The following MID2 variants were observed in gnomAD, a reference collection of about 807,000 sequenced individuals.
MID2 encodes probable E3 ubiquitin-protein ligase MID2.
Under a neutral mutation model 46.1 loss-of-function variants are expected in MID2, and 13 were observed. That is an observed-to-expected ratio of 0.28 (90% CI 0.18 to 0.45). MID2 has a LOEUF of 0.45. Ranked by LOEUF, MID2 falls within the 20% of genes least tolerant of loss-of-function variation. The pLI is 1.00. For synonymous variants in MID2, 199 were observed against 212.3 expected (o/e 0.94, Z 0.55); for missense variants, 431 against 575.4 (o/e 0.75, Z 2.57).
At chrX:107,902,018 C>G (rs188409693) in intron 3 of MID2, among the ~76,000 whole-genome samples, 1 of 111,925 alleles carries the variant, frequency 8.9e-6, no homozygotes, top group Non-Finnish European at 1.9e-5. Context: ...AACTGGAGAG[C>G]AGCATATGTG....
At chrX:107,902,826 C>T (rs1037057645) in intron 3 of MID2, among the ~76,000 whole-genome samples, 1 of 111,336 alleles carries the variant, frequency 9.0e-6, no homozygotes, top group Non-Finnish European at 1.9e-5. Flanking sequence ...TTGTCTGTTC[C>T]TCAGCCTTCT....
chrX:107,861,070 A>G (rs1264695290), intron 3 of MID2, among the ~76,000 whole-genome samples: 1 of 111,397 alleles, frequency 9.0e-6, no homozygotes, highest in Non-Finnish European at 1.9e-5. Flanking sequence ...GTAGTGAGCA[A>G]GGGGTATGGG....
At chrX:107,873,934 A>G (rs1448962224) in intron 3 of MID2, among the ~76,000 whole-genome samples, 1 of 112,172 alleles carries the variant, frequency 8.9e-6, no homozygotes, top group Non-Finnish European at 1.9e-5. Flanking sequence ...TGCAAATGTT[A>G]ACTGTTTTTC....
rs755121523 is a variant in MID2 at position 107,885,369 on chromosome X, G to A, written c.817-18589G>A. On this transcript the variant is annotated intron_variant, in intron 3 of 9. Coordinates refer to ENST00000262843, the MANE Select transcript of MID2 (RefSeq NM_012216.4). ...TCCCACCTATGAGTGAGAACATGCG[G>A]TGTTTGGTTTTTTGTCTTTGCGATA... Among the ~76,000 whole-genome samples, 233 of 105,103 alleles carry A rather than the reference G, an allele frequency of 2.2e-3. 1 individual carries two copies. Among genetic ancestry groups the A allele is most frequent in the African/African-American group, 7.9e-3 (226 of 28,582 alleles). The allele number at this position is 105,103 out of a possible 115,157, so 91.3% of individuals were successfully genotyped here.
intron 1 of MID2, among the ~76,000 whole-genome samples, chrX:107,839,967 G>T (rs186853917): frequency 1.8e-5 from 2 of 111,907 alleles, no homozygotes; most frequent in African/African-American, 6.5e-5. Flanking sequence ...GAACTGAAGG[G>T]GTTTCTGAAG....
chrX:107,889,339 T>G (rs1372307165), intron 3 of MID2, among the ~76,000 whole-genome samples: 1 of 111,835 alleles, frequency 8.9e-6, no homozygotes, highest in East Asian at 2.8e-4. Context: ...CTCTCAGCAT[T>G]TGCTCATCTG....
intron 3 of MID2, among the ~76,000 whole-genome samples, chrX:107,899,751 C>G (rs1462304165): frequency 9.0e-6 from 1 of 110,831 alleles, no homozygotes; most frequent in Admixed American, 9.6e-5. Flanking sequence ...ATTTTTTTTC[C>G]ACAGACATAA....
At chrX:107,888,276 C>G (rs1225669116) in intron 3 of MID2, among the ~76,000 whole-genome samples, 1 of 111,931 alleles carries the variant, frequency 8.9e-6, no homozygotes, top group Non-Finnish European at 1.9e-5. Flanking sequence ...CTATAAATTT[C>G]CCTCTACACA....
intron 5 of MID2, among the ~76,000 whole-genome samples, chrX:107,907,474 C>G (rs1242919535): frequency 8.9e-6 from 1 of 112,068 alleles, no homozygotes. Context: ...TTAACTTCTG[C>G]CTTCCTTCTG....
chrX:107,851,681 A>AC (rs1423562716), intron 2 of MID2, among the ~76,000 whole-genome samples: 1 of 110,144 alleles, frequency 9.1e-6, no homozygotes, highest in African/African-American at 3.3e-5. Flanking sequence ...AACAACAACA[A>AC]AAACAAACAA....
At chrX:107,895,611 A>G (rs968438683) in intron 3 of MID2, 44 of 112,425 alleles carry the variant, frequency 3.9e-4, no homozygotes, top group African/African-American at 1.4e-3. Flanking sequence ...GTTTTTTGCT[A>G]ATAGAAACAA....
intron 5 of MID2, among the ~76,000 whole-genome samples, chrX:107,909,354 C>T (rs956270739): frequency 9.0e-6 from 1 of 111,572 alleles, no homozygotes; most frequent in African/African-American, 3.3e-5. Context: ...ATGTGAGTAC[C>T]AGGGATTGTT....
intron 3 of MID2, among the ~76,000 whole-genome samples, chrX:107,899,335 C>T (rs776069592): frequency 9.1e-6 from 1 of 110,411 alleles, no homozygotes; most frequent in South Asian, 3.9e-4. Context: ...ATGGCTTTGG[C>T]GAACTCCCAC....
intron 7 of MID2, among the ~76,000 whole-genome samples, chrX:107,918,669 A>G (rs1260751546): frequency 9.0e-6 from 1 of 111,428 alleles, no homozygotes; most frequent in Non-Finnish European, 1.9e-5. Flanking sequence ...TGCAGCTCCA[A>G]CCTAAACCAC....
At chrX:107,888,571 G>A (rs1932519448) in intron 3 of MID2, among the ~76,000 whole-genome samples, 1 of 112,182 alleles carries the variant, frequency 8.9e-6, no homozygotes, top group Non-Finnish European at 1.9e-5. Flanking sequence ...GTGGTGTGGT[G>A]CTGAAAAGAA....
chrX:107,882,538 C>A (rs1452692916), intron 3 of MID2, among the ~76,000 whole-genome samples: 1 of 111,661 alleles, frequency 9.0e-6, no homozygotes, highest in Non-Finnish European at 1.9e-5. Context: ...AAAAAGTGGG[C>A]AAAGGATATG....
At chrX:107,837,735 G>T (rs1174626371) in intron 1 of MID2, among the ~76,000 whole-genome samples, 1 of 111,312 alleles carries the variant, frequency 9.0e-6, no homozygotes. Context: ...TATGTTTTTG[G>T]TTGATTTATT....
Position 107,905,505 on chromosome X carries a change from C to A in MID2, c.952C>A (p.Gln318Lys). 2 of 1,206,738 alleles carry A rather than the reference C, an allele frequency of 1.7e-6. No individual in the cohort carries two copies. Among genetic ancestry groups the A allele is most frequent in the Non-Finnish European group, 2.2e-6 (2 of 892,540 alleles). The change falls in exon 5 of 10, where the codon CAG (glutamine) becomes AAG (lysine). Residue 318 changes from glutamine (Q) to lysine (K), a missense_variant. Gln to Lys is a moderately conservative substitution (Grantham distance 53). Transcript: ENST00000262843. Reference sequence around the variant, plus strand: ...TATGAAACTGAGAAAGTTGGCACAGCAGGTTGCTAATTGCCGCCAGTGTCT... The same window carrying A: ...TATGAAACTGAGAAAGTTGGCACAGAAGGTTGCTAATTGCCGCCAGTGTCT... Reference protein sequence around the residue: ...KVMKLRKLAQQVANCRQCLER... With the variant: ...KVMKLRKLAQKVANCRQCLER...
At chrX:107,874,379 T>C (rs1447703416) in intron 3 of MID2, among the ~76,000 whole-genome samples, 1 of 110,878 alleles carries the variant, frequency 9.0e-6, no homozygotes, top group African/African-American at 3.3e-5. Context: ...AGTTAAGTTA[T>C]TCCCCATGGT....
Sources: gnomAD v4.1 joint callset for allele counts (sites outside exome capture counted in the v4.1 genomes callset) on GRCh38, gnomAD v4.1.1 for gene constraint, MANE v1.5 for transcripts, NCBI Gene and HGNC (gene_info 2026-07-23, HGNC 2026-07-21) for gene names.